The following ADCY9 variants were observed in gnomAD, a reference collection of about 807,000 sequenced individuals.
The protein encoded by ADCY9 is adenylate cyclase type 9.
A neutral mutation model predicts 101.5 loss-of-function variants in ADCY9; 50 were observed. The ratio of observed to expected loss-of-function variants is 0.49; its 90% CI spans 0.39 to 0.62. The LOEUF (loss-of-function observed/expected upper bound fraction) is 0.62. ADCY9 is among the 20% of genes least tolerant of loss of function. ADCY9 has a pLI of 0.00. For synonymous variants in ADCY9, 905 were observed against 769.3 expected (o/e 1.18, Z -2.92); for missense variants, 1,662 against 1,800.4 (o/e 0.92, Z 1.39).
chr16:4,080,283 G>C (rs2056893425), intron 2 of ADCY9, among the ~76,000 whole-genome samples: 1 of 151,844 alleles, frequency 6.6e-6, no homozygotes, highest in African/African-American at 2.4e-5. Context: ...TTGCTCTGTT[G>C]CCCAGGCTCT....
At chr16:4,018,464 C>T (rs1463593520) in intron 2 of ADCY9, among the ~76,000 whole-genome samples, 8 of 152,152 alleles carry the variant, frequency 5.3e-5, no homozygotes, top group South Asian at 4.1e-4. Flanking sequence ...CCACCCGCCT[C>T]GGCCTCCCAA....
At chr16:4,064,185 A>G (rs2056787858) in intron 2 of ADCY9, among the ~76,000 whole-genome samples, 1 of 152,252 alleles carries the variant, frequency 6.6e-6, no homozygotes, top group Non-Finnish European at 1.5e-5. Context: ...TCCATTTGTA[A>G]TAGCATCAAA....
At chr16:4,029,667 C>G (rs1243071856) in intron 2 of ADCY9, among the ~76,000 whole-genome samples, 1 of 152,150 alleles carries the variant, frequency 6.6e-6, no homozygotes, top group Non-Finnish European at 1.5e-5. Context: ...GAATGTTGAA[C>G]CCGGGAGGTG....
At chr16:3,974,544 A>G (rs377249489) in intron 10 of ADCY9, 125 bp downstream of exon 10, 16 of 714,148 alleles carry the variant, frequency 2.2e-5, no homozygotes, top group East Asian at 1.0e-4. Flanking sequence ...TCCACTTTCT[A>G]TTCTAAGAAT....
At chr16:4,025,118 T>C (rs563154653) in intron 2 of ADCY9, among the ~76,000 whole-genome samples, 25 of 152,228 alleles carry the variant, frequency 1.6e-4, no homozygotes, top group African/African-American at 6.0e-4. Context: ...ATCCCAGCAC[T>C]TTGAGAGGCC....
In ADCY9 at chr16:3,997,601, T is replaced by A. The variant is rs775258602; in HGVS notation, c.1885-4091A>T. Among the ~76,000 whole-genome samples the A allele has an allele frequency of 1.6e-3, 240 of 152,338 alleles. 2 individuals carry two copies. The highest frequency in any genetic ancestry group is 7.7e-4 in the East Asian group (4 of 5,186). ...GGGCTGTCTGGGTCACATGGCCAGC[T>A]GTAGACACCCACGCTCGGGCCTCCT... On this transcript the variant is annotated intron_variant, in intron 3 of 10. Transcript: ENST00000294016.
rs1219599466 is a variant in ADCY9, at chr16:4,115,308, G to C, written c.135C>G (p.His45Gln). The C allele has an allele frequency of 6.2e-7, 1 of 1,613,840 alleles. No individual in the cohort carries two copies. The highest frequency in any genetic ancestry group is 1.1e-5 in the South Asian group (1 of 91,062). ...KQLSSNSHPK[H>Q]CKYSISSSCS... ...AGCTAGAGGAGATGCTGTATTTGCA[G>C]TGCTTGGGGTGGCTGTTGGAGGACA... The change falls in exon 2 of 11, where the codon CAC (histidine) becomes CAG (glutamine). Residue 45 changes from histidine to glutamine, a missense_variant. Physicochemically the swap from His to Gln is conservative, Grantham distance 24. This residue lies in a region of ADCY9 where 422 missense variants were observed against 392.0 expected (regional missense o/e 1.08). Transcript: ENST00000294016. The surrounding 1 kb of genome is among the most constrained non-coding windows in gnomAD (Gnocchi z 6.2).
At chr16:3,982,006 G>T (rs980405293) in intron 7 of ADCY9, 1 of 152,324 alleles carries the variant, frequency 6.6e-6, no homozygotes, top group East Asian at 1.9e-4. Context: ...GCAGGCGACG[G>T]CTCCTTTGGG....
chr16:4,113,682 C>CTT, intron 2 of ADCY9, 68 bp downstream of exon 2: 1 of 1,349,088 alleles, frequency 7.4e-7, no homozygotes, highest in Non-Finnish European at 1.0e-6. Flanking sequence ...AGGCTGGAAG[C>CTT]TTTTTTTTTT....
chr16:4,114,969 G>A lies in ADCY9; in HGVS notation c.474C>T (p.Gly158=), dbSNP rs747747471. Reference sequence around the variant, plus strand: ...GCTTGGTGAAGGTAAACAGAAAGAAGCCCACACACACCAGGAGGAAGCACA... The same window carrying A: ...GCTTGGTGAAGGTAAACAGAAAGAAACCCACACACACCAGGAGGAAGCACA... ...PALCFLLVCV[G]FFLFTFTKLY... Residue 158 remains glycine, a synonymous_variant, in exon 2 of 11, where the codon GGC becomes GGT. Transcript: ENST00000294016. The surrounding 1 kb of genome is among the most constrained non-coding windows in gnomAD (Gnocchi z 4.3). The A allele has an allele frequency of 2.5e-6, 4 of 1,614,024 alleles. No individual in the cohort carries two copies. The highest frequency in any genetic ancestry group is 3.4e-6 in the Non-Finnish European group (4 of 1,180,028).
intron 2 of ADCY9, among the ~76,000 whole-genome samples, chr16:4,091,429 C>T (rs927097283): frequency 5.3e-5 from 8 of 152,256 alleles, no homozygotes; most frequent in East Asian, 3.9e-4. Context: ...ACAGAGTTAC[C>T]GCGTGACCCA....
intron 2 of ADCY9, among the ~76,000 whole-genome samples, chr16:4,061,869 AC>A (rs1440838591): frequency 6.6e-6 from 1 of 152,266 alleles, no homozygotes; most frequent in African/African-American, 2.4e-5. Flanking sequence ...AAAGACAAGT[AC>A]ATATAACAAT....
intron 2 of ADCY9, among the ~76,000 whole-genome samples, chr16:4,038,916 C>T (rs914750613): frequency 1.3e-5 from 2 of 152,122 alleles, no homozygotes; most frequent in African/African-American, 4.8e-5. Flanking sequence ...TTCTCCTCTT[C>T]CAATTCATCC....
chr16:4,105,735 T>C (rs1362210433), intron 2 of ADCY9, among the ~76,000 whole-genome samples: 1 of 150,340 alleles, frequency 6.7e-6, no homozygotes, highest in Non-Finnish European at 1.5e-5. Context: ...GTGTCCTAGC[T>C]ACTGAAGAGG....
chr16:4,038,765 T>A (rs1415902789), intron 2 of ADCY9, among the ~76,000 whole-genome samples: 1 of 151,806 alleles, frequency 6.6e-6, no homozygotes, highest in African/African-American at 2.4e-5. Flanking sequence ...GTCACTTTCT[T>A]CTCCTTCCTT....
intron 2 of ADCY9, among the ~76,000 whole-genome samples, chr16:4,023,584 C>G (rs994898748): frequency 2.0e-5 from 3 of 152,108 alleles, no homozygotes; most frequent in African/African-American, 7.2e-5. Flanking sequence ...TGAGAGGAGG[C>G]TGGGGAGGTG....
chr16:4,018,993 A>G (rs1004043657), intron 2 of ADCY9, among the ~76,000 whole-genome samples: 3 of 22,578 alleles, frequency 1.3e-4, no homozygotes, highest in Middle Eastern at 0.026. Flanking sequence ...TGTTTTTTTA[A>G]GAGAAAAGGT....
intron 2 of ADCY9, among the ~76,000 whole-genome samples, chr16:4,103,388 C>T (rs449848): frequency 0.89 from 135,736 of 152,282 alleles, 60,643 homozygotes; most frequent in East Asian, 1. Flanking sequence ...AGTGTTGACA[C>T]TTGCAGTGAC....
rs189813793 is a variant in ADCY9 at position 3,994,425 on chromosome 16, A to T, written c.1885-915T>A. Among the ~76,000 whole-genome samples, 21 of 152,292 alleles carry T rather than the reference A, an allele frequency of 1.4e-4. No homozygotes were observed. The East Asian group carries it at 2.7e-3, about 20-fold the overall frequency. On this transcript the variant is annotated intron_variant, in intron 3 of 10. Transcript: ENST00000294016. The stretch of plus-strand genomic sequence containing the variant: ...GCACAACCTTGCTAAATATACTAAA[A>T]ACCACTGAACTGTACACTTTAAAAA...
Sources: gnomAD v4.1 joint callset for allele counts (sites outside exome capture counted in the v4.1 genomes callset) on GRCh38, gnomAD v4.1.1 for gene constraint, gnomAD v4.1.1 regional missense constraint, Gnocchi (gnomAD v3.1) non-coding constraint, MANE v1.5 for transcripts, NCBI Gene and HGNC (gene_info 2026-07-23, HGNC 2026-07-21) for gene names.